NTRK3: variants seen among roughly 807,000 people sequenced by gnomAD.
NTRK3 encodes the protein NT-3 growth factor receptor.
NTRK3 carries 24 observed loss-of-function variants against 91.7 expected under a neutral mutation model. The observed-to-expected ratio is 0.26, with a 90% CI of 0.19 to 0.37. NTRK3 has a LOEUF of 0.37. Among genes scored for constraint, NTRK3 ranks in the 10% least tolerant of loss-of-function variants. The pLI, the probability that NTRK3 is intolerant of heterozygous loss-of-function variation, is 1.00. For synonymous variants in NTRK3, 483 were observed against 404.0 expected, an observed-to-expected ratio of 1.20 and a Z score of -2.34; for missense variants, 880 against 1,068.9, an observed-to-expected ratio of 0.82 and a Z score of 2.46.
intron 13 of NTRK3, among the ~76,000 whole-genome samples, chr15:88,113,368 T>A (rs77548549): frequency 7.2e-6 from 1 of 138,524 alleles, no homozygotes; most frequent in African/African-American, 2.8e-5. Context: ...CAGGCTGGAG[T>A]GCAGTGGCGT....
intron 3 of NTRK3, among the ~76,000 whole-genome samples, chr15:88,198,505 T>C (rs2048021739): frequency 6.6e-6 from 1 of 152,146 alleles, no homozygotes; most frequent in Non-Finnish European, 1.5e-5. Flanking sequence ...CACTCAGTGA[T>C]CCCAGCCTCA....
chr15:88,033,271 T>C (rs1321891818), intron 13 of NTRK3, among the ~76,000 whole-genome samples: 33 of 143,646 alleles, frequency 2.3e-4, no homozygotes, highest in African/African-American at 7.4e-4. Flanking sequence ...TTATCAGATA[T>C]ACATGGCTTA....
In NTRK3 at chr15:88,237,700, G is replaced by T. The variant is rs558321812; in HGVS notation, c.248+18206C>A. Among the ~76,000 whole-genome samples the T allele has an allele frequency of 6.6e-6, 1 of 152,006 alleles. No homozygotes were observed. Among genetic ancestry groups the T allele is most frequent in the South Asian group, 2.1e-4 (1 of 4,810 alleles). ...AAGACCGTGCAACTTCTTCCACAGG[G>T]CTCTCTTGCTTACATGACCGACTAA... On this transcript the variant is annotated intron_variant, in intron 3 of 18. Transcript: ENST00000394480. This position sits in a 1 kb window ranked among gnomAD's most constrained non-coding sequence, Gnocchi z 4.0.
At chr15:88,127,708 C>G (rs1222057145) in intron 11 of NTRK3, among the ~76,000 whole-genome samples, 1 of 152,162 alleles carries the variant, frequency 6.6e-6, no homozygotes, top group African/African-American at 2.4e-5. Flanking sequence ...CTTTACTCCT[C>G]AGTGAGATCC....
chr15:88,129,299 C>A (rs367926689), intron 10 of NTRK3, among the ~76,000 whole-genome samples: 2 of 152,164 alleles, frequency 1.3e-5, no homozygotes, highest in East Asian at 1.9e-4. Context: ...GAAAGCTAAT[C>A]CTTATTGCAC....
intron 14 of NTRK3, among the ~76,000 whole-genome samples, chr15:88,004,423 T>C (rs1250715994): frequency 6.6e-6 from 1 of 152,174 alleles, no homozygotes; most frequent in Admixed American, 6.5e-5. Context: ...GGGGAATGTT[T>C]TTCATCAATG....
chr15:87,973,953 G>A (rs886114162), intron 14 of NTRK3, among the ~76,000 whole-genome samples: 6 of 152,134 alleles, frequency 3.9e-5, no homozygotes, highest in African/African-American at 1.2e-4. Context: ...CAAAGGCTCC[G>A]GCTCTTTGCC....
intron 5 of NTRK3, among the ~76,000 whole-genome samples, chr15:88,148,177 T>C (rs1170042305): frequency 6.6e-6 from 1 of 152,216 alleles, no homozygotes; most frequent in African/African-American, 2.4e-5. Flanking sequence ...ACAAACACGA[T>C]GTGTGTATAC....
intron 13 of NTRK3, among the ~76,000 whole-genome samples, chr15:88,101,892 G>A (rs1348964974): frequency 6.6e-6 from 1 of 152,116 alleles, no homozygotes; most frequent in Admixed American, 6.5e-5. Context: ...GGGAAGGATA[G>A]CATTAGAAGA....
intron 4 of NTRK3, 89 bp downstream of exon 4, chr15:88,184,136 C>T: frequency 3.1e-6 from 4 of 1,272,862 alleles, no homozygotes; most frequent in South Asian, 2.5e-5. Flanking sequence ...GGCAGTCTTG[C>T]TGTGCCCCTC....
chr15:88,169,490 C>T (rs1167894438), intron 5 of NTRK3, among the ~76,000 whole-genome samples: 1 of 152,190 alleles, frequency 6.6e-6, no homozygotes, highest in Non-Finnish European at 1.5e-5. Flanking sequence ...ATGAGGCACA[C>T]AGGGAGGGGA....
intron 17 of NTRK3, chr15:87,928,650 GCC>G: frequency 5.5e-6 from 1 of 180,894 alleles, no homozygotes; most frequent in African/African-American, 2.4e-5. Context: ...ATCTGTTCCA[GCC>G]CATTTGGATA....
chr15:87,936,964 T>C (rs897070551), intron 15 of NTRK3, among the ~76,000 whole-genome samples: 1 of 152,236 alleles, frequency 6.6e-6, no homozygotes, highest in African/African-American at 2.4e-5. Flanking sequence ...CTTTGCGTCC[T>C]GTCCTCGCAC....
chr15:87,970,745 T>C (rs901028127), intron 14 of NTRK3, among the ~76,000 whole-genome samples: 4 of 152,136 alleles, frequency 2.6e-5, no homozygotes, highest in Non-Finnish European at 5.9e-5. Flanking sequence ...AGGAGAAACA[T>C]TGCTGCAATC....
chr15:87,982,569 T>C (rs2074381410), intron 14 of NTRK3, among the ~76,000 whole-genome samples: 2 of 152,176 alleles, frequency 1.3e-5, no homozygotes, highest in Non-Finnish European at 2.9e-5. Flanking sequence ...CTTCTAAGAA[T>C]ACTTTCCCTG....
At chr15:88,212,889 T>A (rs1597986302) in intron 3 of NTRK3, among the ~76,000 whole-genome samples, 1 of 151,722 alleles carries the variant, frequency 6.6e-6, no homozygotes, top group Non-Finnish European at 1.5e-5. Context: ...CTGAGTGGAG[T>A]CCAACTCCAT....
chr15:87,975,056 T>A (rs1006573655), intron 14 of NTRK3, among the ~76,000 whole-genome samples: 3 of 152,202 alleles, frequency 2.0e-5, no homozygotes, highest in African/African-American at 7.2e-5. Flanking sequence ...AGTTATTCAA[T>A]CTTTCTGAGC....
At chr15:88,176,856 A>G (rs1009277238) in intron 5 of NTRK3, among the ~76,000 whole-genome samples, 1 of 152,226 alleles carries the variant, frequency 6.6e-6, no homozygotes, top group African/African-American at 2.4e-5. Flanking sequence ...GATCAATAGT[A>G]ATAAAGGCGA....
At chr15:88,226,063 G>A (rs1489931693) in intron 3 of NTRK3, among the ~76,000 whole-genome samples, 1 of 152,202 alleles carries the variant, frequency 6.6e-6, no homozygotes, top group Admixed American at 6.5e-5. Flanking sequence ...AGGCATGGTA[G>A]GAGTCTTCAC....
Sources: allele counts gnomAD v4.1 joint callset (sites outside exome capture counted in the v4.1 genomes callset), GRCh38; gene constraint gnomAD v4.1.1; non-coding constraint Gnocchi (gnomAD v3.1); transcripts MANE v1.5; gene names NCBI Gene and HGNC (gene_info 2026-07-23, HGNC 2026-07-21).